Variants in ARHGAP26 observed in about 807,000 individuals in gnomAD.
ARHGAP26 encodes Rho GTPase activating protein 26.
A neutral mutation model predicts 104.8 loss-of-function variants in ARHGAP26; 38 were observed. That is an observed-to-expected ratio of 0.36 (90% confidence interval 0.28 to 0.48). The LOEUF (loss-of-function observed/expected upper bound fraction) is 0.48, where lower values mean the gene tolerates loss of function less well. Ranked by LOEUF, ARHGAP26 falls within the 20% of genes least tolerant of loss-of-function variation. The pLI is 0.99. For missense variants in ARHGAP26, 704 were observed against 947.9 expected (o/e 0.74, Z 3.38); for synonymous variants, 341 against 340.0 (o/e 1.00, Z -0.03).
intron 1 of ARHGAP26, among the ~76,000 whole-genome samples, chr5:142,791,664 T>C (rs1759841288): frequency 6.6e-6 from 1 of 152,098 alleles, no homozygotes; most frequent in African/African-American, 2.4e-5. Flanking sequence ...ACCCCTCGCA[T>C]TTAAAAGGTG....
Position 142,770,480 on chromosome 5 carries a change from G to A in ARHGAP26, c.-282G>A. On this transcript the variant is annotated 5_prime_UTR_variant, in exon 1 of 23. Transcript: ENST00000645722. ...AGGCGGCGTCTGCACTCGCTCGCCC[G>A]CTCGCTCGCTTCCCGGCGCCGCTGC... The A allele has an allele frequency of 5.2e-6, 1 of 192,292 alleles. No individual in the cohort carries two copies. The highest frequency in any genetic ancestry group is 1.1e-5 in the Non-Finnish European group (1 of 92,002). 11.9% of individuals were successfully genotyped at this position (192,292 alleles called of 1,614,324 possible). A position where few individuals can be genotyped will look rare whatever the true frequency, so the allele number is the denominator to read the frequency against.
At chr5:142,959,498 G>A (rs1249654644) in intron 11 of ARHGAP26, among the ~76,000 whole-genome samples, 3 of 152,150 alleles carry the variant, frequency 2.0e-5, no homozygotes, top group African/African-American at 7.2e-5. Context: ...TCTTGTGGTT[G>A]TAGGACTTGA....
intron 11 of ARHGAP26, among the ~76,000 whole-genome samples, chr5:143,000,698 TA>T (rs373803292): frequency 1.3e-3 from 197 of 152,262 alleles, no homozygotes; most frequent in African/African-American, 4.5e-3. Context: ...TATGCAGCCA[TA>T]AAAAAGAATG....
intron 17 of ARHGAP26, among the ~76,000 whole-genome samples, chr5:143,073,007 A>T (rs2150387583): frequency 6.6e-6 from 1 of 152,306 alleles, no homozygotes; most frequent in African/African-American, 2.4e-5. Flanking sequence ...CCCCATGAAT[A>T]TGTACAATTA....
At position 142,873,508 on chromosome 5, in the gene ARHGAP26, T is replaced by G; in HGVS notation, c.250+13T>G. ...GAGATGTGTATAGGTAAGTCATAAC[T>G]GTGCAGAAGATAAAAATGTTCATTG... On this transcript the variant is annotated intron_variant, in intron 2 of 22. Coordinates refer to ENST00000645722, the MANE Select transcript of ARHGAP26 (RefSeq NM_001135608.3). 2 of 1,507,398 alleles carry G rather than the reference T, an allele frequency of 1.3e-6. No homozygotes were observed. Among genetic ancestry groups the G allele is most frequent in the Non-Finnish European group, 1.8e-6 (2 of 1,123,014 alleles). The allele number at this position is 1,507,398 out of a possible 1,614,324, so 93.4% of individuals were successfully genotyped here.
At chr5:142,850,266 C>T (rs1751257614) in intron 1 of ARHGAP26, among the ~76,000 whole-genome samples, 1 of 152,228 alleles carries the variant, frequency 6.6e-6, no homozygotes, top group Non-Finnish European at 1.5e-5. Flanking sequence ...CTCCCCATCT[C>T]TCCTTGGTCA....
intron 1 of ARHGAP26, among the ~76,000 whole-genome samples, chr5:142,816,014 T>C (rs1232987035): frequency 6.6e-6 from 1 of 151,978 alleles, no homozygotes; most frequent in African/African-American, 2.4e-5. Context: ...GCCTAGGCTG[T>C]CTCAAACTCC....
intron 17 of ARHGAP26, among the ~76,000 whole-genome samples, chr5:143,084,565 A>C (rs2150470912): frequency 6.6e-6 from 1 of 152,244 alleles, no homozygotes; most frequent in East Asian, 1.9e-4. Flanking sequence ...TTACTGCCCT[A>C]CTTACAGGGA....
At position 143,207,284 on chromosome 5, in the gene ARHGAP26, C is replaced by T. The variant is rs373829603; in HGVS notation, c.2075C>T (p.Thr692Met). ...TCCAGCCCTATGCCCACCTCATCCA[C>T]GTCCAGCGACTCATCCCCCGTCAGG... ...APSSPMPTSSTSSDSSPVSTP... is the reference protein window; with the variant it reads ...APSSPMPTSSMSSDSSPVSTP... The change falls in exon 21 of 23, where the codon ACG becomes ATG. Residue 692 changes from threonine (T) to methionine (M), a missense_variant. Thr to Met is a moderately conservative substitution (Grantham distance 81, BLOSUM62 -1). Around this residue, in one of 6 missense-constraint regions of ARHGAP26, gnomAD observed 217 missense variants for 242.6 expected, o/e 0.89. Coordinates refer to ENST00000645722, the MANE Select transcript of ARHGAP26 (RefSeq NM_001135608.3). 11 of 1,614,046 alleles carry T rather than the reference C, an allele frequency of 6.8e-6. No individual in the cohort carries two copies. The highest frequency in any genetic ancestry group is 3.3e-5 in the Admixed American group (2 of 60,008).
At chr5:142,811,066 A>AG (rs1175133061) in intron 1 of ARHGAP26, among the ~76,000 whole-genome samples, 1 of 152,182 alleles carries the variant, frequency 6.6e-6, no homozygotes. Context: ...GAGAGGCCCC[A>AG]GGGAGTGTTC....
intron 19 of ARHGAP26, among the ~76,000 whole-genome samples, chr5:143,136,432 A>C (rs184272848): frequency 4.9e-4 from 74 of 152,356 alleles, no homozygotes; most frequent in African/African-American, 1.7e-3. Context: ...GCATACAGAT[A>C]TGCTCAGATA....
chr5:142,945,321 A>T (rs1333606302), intron 11 of ARHGAP26, among the ~76,000 whole-genome samples: 1 of 151,968 alleles, frequency 6.6e-6, no homozygotes, highest in East Asian at 1.9e-4. Context: ...GATGCCTGCC[A>T]CTCACTATAC....
rs2270068 is a variant in ARHGAP26 at position 143,041,850 on chromosome 5, T to G, written c.1245T>G (p.Gly415=). The G allele has an allele frequency of 0.98, 1,575,881 of 1,604,490 alleles. 778,556 individuals carry two copies. The highest frequency in any genetic ancestry group is 1 in the Non-Finnish European group (1,174,262 of 1,175,322). The change falls in exon 14 of 23, where the codon GGT becomes GGG. Residue 415 remains glycine (G), a synonymous_variant. Coordinates refer to ENST00000645722, the MANE Select transcript of ARHGAP26 (RefSeq NM_001135608.3). ...INEQGLYRIV[G]VNSRVQKLLS... is the part of the protein sequence containing the mutation. ...AGCAAGGGCTGTATCGAATTGTGGG[T>G]GTCAACTCCAGAGTGCAGAAGTTGC...
At chr5:143,148,731 A>G (rs2150988513) in intron 20 of ARHGAP26, among the ~76,000 whole-genome samples, 1 of 152,080 alleles carries the variant, frequency 6.6e-6, no homozygotes, top group Admixed American at 6.5e-5. Context: ...TTGAGGTTTG[A>G]CCTTCTCAGG....
chr5:142,963,198 A>ATATATATATATATGTG (rs869247749), intron 11 of ARHGAP26, among the ~76,000 whole-genome samples: 1 of 98,354 alleles, frequency 1.0e-5, no homozygotes, highest in African/African-American at 6.1e-5. Context: ...ATATATATAT[A>ATATATATATATATGTG]TGTGTGTGTG....
At chr5:142,940,626 G>A (rs1041920507) in intron 11 of ARHGAP26, among the ~76,000 whole-genome samples, 3 of 152,122 alleles carry the variant, frequency 2.0e-5, no homozygotes, top group South Asian at 2.1e-4. Flanking sequence ...CAAGGGGCAT[G>A]ATCTTATTCT....
rs1013316129 is a variant in ARHGAP26 at position 142,964,063 on chromosome 5, A to G, written c.1107+31938A>G. 3.3e-5 allele frequency among the ~76,000 whole-genome samples: 5 copies of G among 152,226 alleles called. No homozygotes were observed. In the East Asian group the frequency reaches 9.6e-4, roughly 29 times the overall value. On this transcript the variant is annotated intron_variant, in intron 11 of 22. Coordinates refer to ENST00000645722, the MANE Select transcript of ARHGAP26 (RefSeq NM_001135608.3). ...TGGTATTTTGATGGACTTAGTGTCTAGTTTTAAATGTTTTGTTTTGACTGA... is the reference window on the plus strand; with the variant it reads ...TGGTATTTTGATGGACTTAGTGTCTGGTTTTAAATGTTTTGTTTTGACTGA...
intron 11 of ARHGAP26, among the ~76,000 whole-genome samples, chr5:143,001,138 G>A (rs1021658198): frequency 1.3e-5 from 2 of 152,076 alleles, no homozygotes; most frequent in African/African-American, 4.8e-5. Flanking sequence ...CTAATTGGGG[G>A]TGCAAAACAG....
At chr5:142,906,284 T>C (rs960644768) in intron 8 of ARHGAP26, among the ~76,000 whole-genome samples, 6 of 152,216 alleles carry the variant, frequency 3.9e-5, no homozygotes, top group African/African-American at 1.4e-4. Flanking sequence ...TAATTAGCAA[T>C]CTGAAGGTAA....
Sources: allele counts gnomAD v4.1 joint callset (sites outside exome capture counted in the v4.1 genomes callset), GRCh38; gene constraint gnomAD v4.1.1; regional missense constraint gnomAD v4.1.1; transcripts MANE v1.5; gene names NCBI Gene and HGNC (gene_info 2026-07-23, HGNC 2026-07-21).